The following ALG14 variants were observed in gnomAD, a reference collection of about 807,000 sequenced individuals.
The protein encoded by ALG14 is ALG14 UDP-N-acetylglucosaminyltransferase subunit.
ALG14 carries 17 observed loss-of-function variants against 22.8 expected under a neutral mutation model. The ratio of observed to expected loss-of-function variants is 0.75; its 90% CI spans 0.51 to 1.12. The LOEUF is 1.12. ALG14 is among the 50% of genes most tolerant of loss of function. ALG14 has a pLI of 0.00. For synonymous variants in ALG14, 89 were observed against 103.7 expected, an observed-to-expected ratio of 0.86 and a Z score of 0.86; for missense variants, 288 against 271.8, an observed-to-expected ratio of 1.06 and a Z score of -0.42.
intron 2 of ALG14, among the ~76,000 whole-genome samples, chr1:95,040,648 T>A (rs1399352698): frequency 6.6e-6 from 1 of 152,198 alleles, no homozygotes; most frequent in Admixed American, 6.5e-5. Flanking sequence ...ATGTCCTGAT[T>A]TTATAACAGC....
At chr1:95,014,985 G>A (rs1037940499) in intron 3 of ALG14, among the ~76,000 whole-genome samples, 4 of 152,194 alleles carry the variant, frequency 2.6e-5, no homozygotes, top group African/African-American at 7.2e-5. Context: ...TGAAGAGAGC[G>A]CTATACAGTT....
chr1:95,026,294 C>T (rs866370779), intron 3 of ALG14, among the ~76,000 whole-genome samples: 1 of 152,156 alleles, frequency 6.6e-6, no homozygotes, highest in Non-Finnish European at 1.5e-5. Context: ...TGACTAACTG[C>T]CTATTGCAAA....
chr1:95,022,467 C>G (rs1215536862), intron 3 of ALG14: 1 of 653,702 alleles, frequency 1.5e-6, no homozygotes, highest in Non-Finnish European at 1.9e-6. Flanking sequence ...ATCAGACTTG[C>G]TAAATGCACG....
chr1:95,023,431 T>C (rs1320299623), intron 3 of ALG14, among the ~76,000 whole-genome samples: 1 of 152,156 alleles, frequency 6.6e-6, no homozygotes, highest in Non-Finnish European at 1.5e-5. Flanking sequence ...GCCATCAACT[T>C]TCTACTGCTA....
At chr1:95,061,405 T>C (rs35051418) in intron 2 of ALG14, among the ~76,000 whole-genome samples, 12,946 of 152,198 alleles carry the variant, frequency 0.085, 617 homozygotes, top group Non-Finnish European at 0.099. Context: ...ACGTGGATTT[T>C]TTGAGAATAC....
intron 3 of ALG14, among the ~76,000 whole-genome samples, chr1:95,006,416 A>G (rs1184138076): frequency 6.6e-6 from 1 of 152,224 alleles, no homozygotes; most frequent in Non-Finnish European, 1.5e-5. Flanking sequence ...TAGGTTTGAG[A>G]ATCACTAGTG....
At chr1:95,059,389 C>T (rs1467847149) in intron 2 of ALG14, among the ~76,000 whole-genome samples, 2 of 119,250 alleles carry the variant, frequency 1.7e-5, no homozygotes, top group Non-Finnish European at 3.3e-5. Flanking sequence ...CAGGGTGAGA[C>T]TCTGTCTCAA....
chr1:94,994,106 G>A (rs1031143011), intron 3 of ALG14, among the ~76,000 whole-genome samples: 14 of 152,162 alleles, frequency 9.2e-5, no homozygotes, highest in African/African-American at 3.1e-4. Context: ...GCTTAGCATC[G>A]TCACTACAGA....
chr1:95,018,487 G>C (rs926665138), intron 3 of ALG14, among the ~76,000 whole-genome samples: 4 of 152,050 alleles, frequency 2.6e-5, no homozygotes, highest in Non-Finnish European at 4.4e-5. Flanking sequence ...AGTAAGCCGA[G>C]CTCATGTCAA....
At chr1:95,024,003 C>T (rs1416078953) in intron 3 of ALG14, among the ~76,000 whole-genome samples, 1 of 152,162 alleles carries the variant, frequency 6.6e-6, no homozygotes, top group Middle Eastern at 3.2e-3. Flanking sequence ...ATCTTTTTCC[C>T]CCAACATAAG....
chr1:95,039,157 G>A (rs1033674241), intron 2 of ALG14, among the ~76,000 whole-genome samples: 8 of 152,200 alleles, frequency 5.3e-5, no homozygotes, highest in Non-Finnish European at 7.3e-5. Context: ...AGGAAGCAGC[G>A]TGTTCAGAGC....
chr1:94,986,721 T>G lies in ALG14; in HGVS notation c.421-3415A>C, dbSNP rs998046840. Among the ~76,000 whole-genome samples, 20 of 152,078 alleles carry G rather than the reference T, an allele frequency of 1.3e-4. 1 individual carries two copies. The highest frequency in any genetic ancestry group is 3.4e-3 in the Middle Eastern group (1 of 294). ...CTCTTGACCTCATGATCCTCCTGTC[T>G]TGGCCTCCCAAAGTGCTGGGATTGC... is the stretch of plus-strand genomic sequence containing the variant. On this transcript the variant is annotated intron_variant, in intron 3 of 3. Transcript: ENST00000370205.
At chr1:95,033,795 T>G (rs1473122912) in intron 2 of ALG14, among the ~76,000 whole-genome samples, 1 of 152,194 alleles carries the variant, frequency 6.6e-6, no homozygotes, top group Non-Finnish European at 1.5e-5. Context: ...ATCTCTCACC[T>G]TGACTACTTC....
At chr1:94,995,087 A>C (rs545105168) in intron 3 of ALG14, among the ~76,000 whole-genome samples, 39 of 152,336 alleles carry the variant, frequency 2.6e-4, no homozygotes, top group African/African-American at 9.1e-4. Context: ...TTGTACACGT[A>C]CCTATGTATT....
At chr1:95,061,035 G>T (rs1486990411) in intron 2 of ALG14, among the ~76,000 whole-genome samples, 1 of 152,204 alleles carries the variant, frequency 6.6e-6, no homozygotes, top group African/African-American at 2.4e-5. Flanking sequence ...GCCGAGATTA[G>T]AGTGACGTAG....
intron 3 of ALG14, among the ~76,000 whole-genome samples, chr1:94,997,315 C>CAGGG (rs1672934257): frequency 6.6e-6 from 1 of 152,196 alleles, no homozygotes; most frequent in Non-Finnish European, 1.5e-5. Context: ...GTCTTAAAGG[C>CAGGG]AGGGGCAGCA....
At chr1:95,013,225 AGTGCAGG>A in intron 3 of ALG14, among the ~76,000 whole-genome samples, 1 of 152,108 alleles carries the variant, frequency 6.6e-6, no homozygotes, top group African/African-American at 2.4e-5. Flanking sequence ...TCATTTTTCT[AGTGCAGG>A]GTAACAAGCT....
intron 3 of ALG14, 45 bp downstream of exon 3, chr1:95,027,084 C>T (rs749526221): frequency 1.1e-5 from 17 of 1,606,710 alleles, no homozygotes; most frequent in Non-Finnish European, 1.4e-5. Context: ...AACGAAAGAT[C>T]TACAGGGAGT....
chr1:95,028,943 A>G (rs1243436552), intron 2 of ALG14, among the ~76,000 whole-genome samples: 1 of 152,266 alleles, frequency 6.6e-6, no homozygotes, highest in African/African-American at 2.4e-5. Context: ...TGATATTTTC[A>G]TAATCAAGAG....
Sources: allele counts gnomAD v4.1 joint callset (sites outside exome capture counted in the v4.1 genomes callset), GRCh38; gene constraint gnomAD v4.1.1; transcripts MANE v1.5; gene names NCBI Gene and HGNC (gene_info 2026-07-23, HGNC 2026-07-21).